The following NRXN3 variants were observed in gnomAD, a reference collection of about 807,000 sequenced individuals.
The protein encoded by NRXN3 is neurexin III.
Under a neutral mutation model 137.6 loss-of-function variants are expected in NRXN3, and 32 were observed. That is an observed-to-expected ratio of 0.23 (90% CI 0.18 to 0.31). The LOEUF is 0.31. Among genes scored for constraint, NRXN3 ranks in the 10% least tolerant of loss-of-function variants. The pLI is 1.00. For synonymous variants in NRXN3, 798 were observed against 784.5 expected, an observed-to-expected ratio of 1.02 and a Z score of -0.29; for missense variants, 1,574 against 2,062.5, an observed-to-expected ratio of 0.76 and a Z score of 4.59.
At chr14:78,505,704 G>C (rs1161331665) in intron 4 of NRXN3, among the ~76,000 whole-genome samples, 1 of 152,050 alleles carries the variant, frequency 6.6e-6, no homozygotes. Flanking sequence ...AAAGCAGACT[G>C]TGCTTTTTAG....
At chr14:79,474,723 C>T (rs570314196) in intron 16 of NRXN3, among the ~76,000 whole-genome samples, 5 of 152,132 alleles carry the variant, frequency 3.3e-5, no homozygotes, top group Middle Eastern at 3.4e-3. Context: ...GTGAAATTGT[C>T]GCCTGCCTTG....
chr14:79,060,672 T>G (rs1293895141), intron 15 of NRXN3, among the ~76,000 whole-genome samples: 1 of 152,208 alleles, frequency 6.6e-6, no homozygotes, highest in East Asian at 1.9e-4. Flanking sequence ...AACAATTTTG[T>G]GAGGGTAAGT....
At chr14:79,316,009 C>T (rs1476269650) in intron 15 of NRXN3, among the ~76,000 whole-genome samples, 2 of 152,162 alleles carry the variant, frequency 1.3e-5, no homozygotes, top group East Asian at 3.8e-4. Context: ...CAAAATTAAT[C>T]AGGCTGAATC....
At chr14:79,288,261 T>G (rs1168476413) in intron 15 of NRXN3, among the ~76,000 whole-genome samples, 1 of 152,242 alleles carries the variant, frequency 6.6e-6, no homozygotes, top group Non-Finnish European at 1.5e-5. Flanking sequence ...GCAGCTTTCA[T>G]TTAAACACAC....
At chr14:79,253,155 C>CT (rs1241446125) in intron 15 of NRXN3, among the ~76,000 whole-genome samples, 2 of 152,128 alleles carry the variant, frequency 1.3e-5, no homozygotes, top group Non-Finnish European at 2.9e-5. Flanking sequence ...CCTGCCTTGT[C>CT]TGTGTGTTTT....
chr14:79,306,192 A>C (rs1481655879), intron 15 of NRXN3, among the ~76,000 whole-genome samples: 1 of 152,054 alleles, frequency 6.6e-6, no homozygotes, highest in Non-Finnish European at 1.5e-5. Context: ...ATATACATTG[A>C]TTTTATTTGA....
At chr14:79,127,984 TG>T (rs1443114980) in intron 15 of NRXN3, among the ~76,000 whole-genome samples, 1 of 150,378 alleles carries the variant, frequency 6.6e-6, no homozygotes, top group Non-Finnish European at 1.5e-5. Context: ...GTTTGTCTGT[TG>T]TTGGTGTATA....
intron 15 of NRXN3, among the ~76,000 whole-genome samples, chr14:79,054,002 C>G (rs2099647911): frequency 7.4e-6 from 1 of 135,126 alleles, no homozygotes; most frequent in Non-Finnish European, 1.6e-5. Flanking sequence ...GAGTTCATGT[C>G]CTTTGTAGTG....
intron 10 of NRXN3, among the ~76,000 whole-genome samples, chr14:78,923,917 T>C (rs1001762752): frequency 1.3e-5 from 2 of 152,232 alleles, no homozygotes; most frequent in Non-Finnish European, 1.5e-5. Flanking sequence ...TATATTTCTG[T>C]AAGGTTATTC....
At chr14:79,064,128 T>C (rs1462989347) in intron 15 of NRXN3, among the ~76,000 whole-genome samples, 1 of 152,136 alleles carries the variant, frequency 6.6e-6, no homozygotes, top group Non-Finnish European at 1.5e-5. Flanking sequence ...CTAATCAATT[T>C]CTCATAATCA....
chr14:78,978,582 T>G (rs759314174), intron 14 of NRXN3, among the ~76,000 whole-genome samples: 4 of 151,788 alleles, frequency 2.6e-5, no homozygotes, highest in Non-Finnish European at 4.4e-5. Context: ...GAAGTAGCTT[T>G]GCTGAAGGGT....
At chr14:78,782,128 C>T (rs2098772064) in intron 8 of NRXN3, among the ~76,000 whole-genome samples, 1 of 152,322 alleles carries the variant, frequency 6.6e-6, no homozygotes, top group East Asian at 1.9e-4. Context: ...ATTAGCCTTG[C>T]AGGCCTCACC....
chr14:78,693,375 C>T (rs191234404), intron 6 of NRXN3, among the ~76,000 whole-genome samples: 22 of 151,958 alleles, frequency 1.4e-4, no homozygotes, highest in Admixed American at 1.1e-3. Context: ...TACTTATACA[C>T]GGTTGCCATG....
intron 15 of NRXN3, among the ~76,000 whole-genome samples, chr14:79,379,615 T>C (rs971359777): frequency 6.6e-6 from 1 of 152,176 alleles, no homozygotes; most frequent in Non-Finnish European, 1.5e-5. Flanking sequence ...TGTAGCTTTA[T>C]GGTGGGAGCT....
chr14:79,694,701 G>A (rs1250239926), intron 18 of NRXN3, among the ~76,000 whole-genome samples: 1 of 151,844 alleles, frequency 6.6e-6, no homozygotes, highest in African/African-American at 2.4e-5. Context: ...GAATAGTGAT[G>A]GTTTTTTCTG....
chr14:79,278,562 G>C (rs924328307), intron 15 of NRXN3, among the ~76,000 whole-genome samples: 11 of 152,164 alleles, frequency 7.2e-5, no homozygotes, highest in Non-Finnish European at 1.3e-4. Context: ...AGCCAGTTCC[G>C]GACAGGCGCC....
At chr14:79,080,992 A>G (rs1405912539) in intron 15 of NRXN3, among the ~76,000 whole-genome samples, 1 of 151,944 alleles carries the variant, frequency 6.6e-6, no homozygotes, top group Non-Finnish European at 1.5e-5. Context: ...TGGTTTTTGA[A>G]TCTCTGCTTC....
At chr14:78,688,439 T>A (rs1034533779) in intron 6 of NRXN3, among the ~76,000 whole-genome samples, 1 of 152,166 alleles carries the variant, frequency 6.6e-6, no homozygotes, top group African/African-American at 2.4e-5. Context: ...GATTTAATTA[T>A]TGGATCTGGC....
intron 15 of NRXN3, among the ~76,000 whole-genome samples, chr14:79,448,324 C>G (rs2096101571): frequency 6.6e-6 from 1 of 152,156 alleles, no homozygotes; most frequent in African/African-American, 2.4e-5. Context: ...AAACAGCCCT[C>G]CCCCATCATG....
Sources: allele counts gnomAD v4.1 joint callset (sites outside exome capture counted in the v4.1 genomes callset), GRCh38; gene constraint gnomAD v4.1.1; transcripts MANE v1.5; gene names NCBI Gene and HGNC (gene_info 2026-07-23, HGNC 2026-07-21).